Variants in EPHA5 observed in about 807,000 individuals in gnomAD.
The protein encoded by EPHA5 is EPH receptor A5.
A neutral mutation model predicts 105.0 loss-of-function variants in EPHA5; 60 were observed. The observed-to-expected ratio is 0.57, with a 90% confidence interval of 0.46 to 0.71. The LOEUF is 0.71. Among genes scored for constraint, EPHA5 ranks in the 30% least tolerant of loss-of-function variants. The pLI is 0.00. For missense variants in EPHA5, 1,218 were observed against 1,274.7 expected (o/e 0.96, Z 0.68); for synonymous variants, 513 against 449.1 (o/e 1.14, Z -1.80).
chr4:65,449,557 T>C (rs1726881677), intron 5 of EPHA5, among the ~76,000 whole-genome samples: 1 of 152,152 alleles, frequency 6.6e-6, no homozygotes, highest in Non-Finnish European at 1.5e-5. Context: ...GGACAAACTG[T>C]CGTATATTCA....
intron 1 of EPHA5, 74 bp downstream of exon 1, chr4:65,669,488 T>C (rs1750262820): frequency 7.8e-7 from 1 of 1,283,554 alleles, no homozygotes; most frequent in Non-Finnish European, 9.9e-7. Context: ...TCCAGCGCGC[T>C]GAGACCTGAA....
Position 65,351,487 on chromosome 4 carries a change from T to C in EPHA5, c.2347A>G (p.Arg783Gly). The C allele has an allele frequency of 6.2e-7, 1 of 1,613,872 alleles. No homozygotes were observed. Among genetic ancestry groups the C allele is most frequent in the African/African-American group, 1.3e-5 (1 of 75,030 alleles). ...MGYVHRDLAA[R>G]NILINSNLVC... ...AGGTTACTGTTGATTAAGATGTTTC[T>C]GGCAGCAAGATCTCTATGCACATAG... The change falls in exon 13 of 17, where the codon AGA becomes GGA. Residue 783 changes from arginine to glycine, a missense_variant. This residue lies in a region of EPHA5 where 971 missense variants were observed against 1,013.5 expected (regional missense o/e 0.96). Transcript: ENST00000613740.
intron 3 of EPHA5, among the ~76,000 whole-genome samples, chr4:65,506,999 G>A (rs1239231538): frequency 1.3e-5 from 2 of 150,704 alleles, no homozygotes; most frequent in Non-Finnish European, 2.9e-5. Context: ...TATGGTTTTA[G>A]GTCTAACATT....
intron 1 of EPHA5, among the ~76,000 whole-genome samples, chr4:65,666,979 CACACACACACAT>C (rs1274406855): frequency 8.5e-5 from 13 of 152,106 alleles, no homozygotes; most frequent in Non-Finnish European, 1.8e-4. Flanking sequence ...TCATAATACG[CACACACACACAT>C]ACACACACAG....
Position 65,348,042 on chromosome 4 carries a change from T to C in EPHA5, c.2595+12A>G. 1.3e-6 allele frequency: 2 copies of C among 1,591,036 alleles called. No homozygotes were observed. The highest frequency in any genetic ancestry group is 1.7e-6 in the Non-Finnish European group (2 of 1,170,760). On this transcript the variant is annotated intron_variant, in intron 14 of 16. Transcript: ENST00000613740. Reference sequence around the variant, plus strand: ...TCATTGTCAAGTTGGGAAAGAGTAGTTCCATACTCACATCTTGATTGGTCA... The same window carrying C: ...TCATTGTCAAGTTGGGAAAGAGTAGCTCCATACTCACATCTTGATTGGTCA...
chr4:65,623,097 C>T (rs1297784177), intron 2 of EPHA5, among the ~76,000 whole-genome samples: 2 of 151,912 alleles, frequency 1.3e-5, no homozygotes, highest in African/African-American at 2.4e-5. Flanking sequence ...TGTTAAATAA[C>T]GATTATTTGA....
chr4:65,626,333 A>G (rs1746160499), intron 2 of EPHA5, among the ~76,000 whole-genome samples: 2 of 152,224 alleles, frequency 1.3e-5, no homozygotes, highest in South Asian at 4.1e-4. Context: ...GAAGCTTAAC[A>G]CATTGTAGAA....
chr4:65,613,310 T>C (rs906017077), intron 2 of EPHA5, among the ~76,000 whole-genome samples: 4 of 152,112 alleles, frequency 2.6e-5, no homozygotes, highest in East Asian at 1.9e-4. Context: ...GGTAATGTGA[T>C]GCCTCCAGCT....
At chr4:65,576,367 CAGA>C (rs1290585193) in intron 3 of EPHA5, among the ~76,000 whole-genome samples, 5 of 152,142 alleles carry the variant, frequency 3.3e-5, no homozygotes, top group African/African-American at 1.2e-4. Flanking sequence ...TATCGTTCAC[CAGA>C]AGAAGTACAG....
intron 5 of EPHA5, among the ~76,000 whole-genome samples, chr4:65,458,090 A>G (rs937178767): frequency 3.3e-5 from 5 of 151,510 alleles, no homozygotes; most frequent in African/African-American, 1.2e-4. Context: ...AAAAAAAAAA[A>G]AAAAAAAAGA....
chr4:65,556,054 G>T (rs1348941729), intron 3 of EPHA5, among the ~76,000 whole-genome samples: 2 of 152,052 alleles, frequency 1.3e-5, no homozygotes, highest in Non-Finnish European at 2.9e-5. Context: ...AATGTGTGCA[G>T]AATTCATCAA....
At chr4:65,348,698 A>ATATAT (rs1491144544) in intron 13 of EPHA5, among the ~76,000 whole-genome samples, 1 of 19,852 alleles carries the variant, frequency 5.0e-5, no homozygotes, top group African/African-American at 1.3e-4. Context: ...ATATATATAT[A>ATATAT]AAATATATAT....
chr4:65,393,007 T>C (rs1303589115), intron 8 of EPHA5, among the ~76,000 whole-genome samples: 2 of 152,204 alleles, frequency 1.3e-5, no homozygotes, highest in Non-Finnish European at 2.9e-5. Context: ...TGATACATTG[T>C]TTTGATATAT....
At position 65,401,412 on chromosome 4, in the gene EPHA5, A is replaced by T. The variant is rs1721805918; in HGVS notation, c.1793+2962T>A. 1.3e-5 allele frequency among the ~76,000 whole-genome samples: 2 copies of T among 152,098 alleles called. 1 individual carries two copies. The highest frequency in any genetic ancestry group is 4.1e-4 in the South Asian group (2 of 4,832). On this transcript the variant is annotated intron_variant, in intron 8 of 16. Coordinates refer to ENST00000613740, the MANE Select transcript of EPHA5 (RefSeq NM_001281766.3). ...GCTTTTAGTTATATTTATATAATAA[A>T]ATATAAAGTAGTTTGTCCATGAAGA... is the stretch of plus-strand genomic sequence containing the variant.
rs769006675 is a variant in EPHA5, at chr4:65,643,357, A to C, written c.246+6T>G. The C allele has an allele frequency of 6.2e-7, 1 of 1,611,368 alleles. No homozygotes were observed. Among genetic ancestry groups the C allele is most frequent in the Admixed American group, 1.7e-5 (1 of 59,982 alleles). ...TAAGTTTTAGAAAAACTTTCATAAA[A>C]CTTACCCCATTTTTTGGAAAAGCAA... On this transcript the variant is annotated splice_donor_region_variant and intron_variant, in intron 2 of 16. Transcript: ENST00000613740.
At chr4:65,450,438 C>A (rs543813988) in intron 5 of EPHA5, among the ~76,000 whole-genome samples, 17 of 152,136 alleles carry the variant, frequency 1.1e-4, no homozygotes, top group Middle Eastern at 3.4e-3. Flanking sequence ...TCCAATGGAC[C>A]CAGACACATA....
intron 14 of EPHA5, among the ~76,000 whole-genome samples, chr4:65,342,130 C>T (rs1721787862): frequency 6.7e-6 from 1 of 149,674 alleles, no homozygotes. Context: ...TTGTAGAATC[C>T]AAGATGACTG....
At chr4:65,454,396 G>A (rs1267737500) in intron 5 of EPHA5, among the ~76,000 whole-genome samples, 2 of 152,096 alleles carry the variant, frequency 1.3e-5, no homozygotes, top group Non-Finnish European at 2.9e-5. Flanking sequence ...TTTTAGTTGT[G>A]TACAAAAAGT....
intron 3 of EPHA5, among the ~76,000 whole-genome samples, chr4:65,544,785 T>C (rs986021510): frequency 1.2e-4 from 18 of 152,068 alleles, no homozygotes; most frequent in Non-Finnish European, 5.9e-5. Flanking sequence ...ATATATTAAT[T>C]GCAGCACTGT....
Sources: allele counts gnomAD v4.1 joint callset (sites outside exome capture counted in the v4.1 genomes callset), GRCh38; gene constraint gnomAD v4.1.1; regional missense constraint gnomAD v4.1.1; transcripts MANE v1.5; gene names NCBI Gene and HGNC (gene_info 2026-07-23, HGNC 2026-07-21).